The following ABHD2 variants were observed in gnomAD, a reference collection of about 807,000 sequenced individuals.
ABHD2 encodes the protein abhydrolase domain containing 2, acylglycerol lipase.
Under a neutral mutation model 48.1 loss-of-function variants are expected in ABHD2, and 20 were observed. The observed-to-expected ratio is 0.42, with a 90% CI of 0.29 to 0.60. The LOEUF (loss-of-function observed/expected upper bound fraction) is 0.60. Among genes scored for constraint, ABHD2 ranks in the 20% least tolerant of loss-of-function variants. The pLI is 0.24. For synonymous variants in ABHD2, 209 were observed against 214.2 expected, an observed-to-expected ratio of 0.98 and a Z score of 0.21; for missense variants, 405 against 550.9, an observed-to-expected ratio of 0.74 and a Z score of 2.65.
intron 1 of ABHD2, among the ~76,000 whole-genome samples, chr15:89,095,063 CAAAAAAAAAAAAA>C (rs72090062): frequency 1.9e-5 from 1 of 53,786 alleles, no homozygotes; most frequent in Non-Finnish European, 4.2e-5. Context: ...GACTGTGTCT[CAAAAAAAAAAAAA>C]AAAAAAAAAG....
intron 9 of ABHD2, 50 bp from the exon 10 acceptor site, chr15:89,193,185 T>C: frequency 6.4e-7 from 1 of 1,559,088 alleles, no homozygotes. Context: ...ATCGATGGGG[T>C]CTGAAAATGG....
chr15:89,121,378 T>C (rs1430377667), intron 3 of ABHD2, among the ~76,000 whole-genome samples: 2 of 152,044 alleles, frequency 1.3e-5, no homozygotes, highest in East Asian at 1.9e-4. Context: ...GTAAAGAGAC[T>C]GGTTTTCTTG....
chr15:89,147,016 G>A lies in ABHD2; in HGVS notation c.195-4661G>A, dbSNP rs145768802. 1.1e-3 allele frequency among the ~76,000 whole-genome samples: 170 copies of A among 152,276 alleles called. 1 individual carries two copies. Among genetic ancestry groups the A allele is most frequent in the African/African-American group, 3.8e-3 (157 of 41,562 alleles). ...GCAGCCTGCGCTATCAACTATCAAAGTATCTCATAAAGCTATATTAATTAA... is the reference window on the plus strand; with the variant it reads ...GCAGCCTGCGCTATCAACTATCAAAATATCTCATAAAGCTATATTAATTAA... On this transcript the variant is annotated intron_variant, in intron 3 of 10. Transcript: ENST00000352732.
At chr15:89,052,540 CAG>C in the ABHD2 span, among the ~76,000 whole-genome samples, 3,153 of 125,274 alleles carry the variant, frequency 0.025, 128 homozygotes, top group African/African-American at 0.1. Flanking sequence ...GACAGACAGA[CAG>C]ACAGACAGAC....
At chr15:89,065,685 C>G in the ABHD2 span, among the ~76,000 whole-genome samples, 1 of 152,150 alleles carries the variant, frequency 6.6e-6, no homozygotes, top group Non-Finnish European at 1.5e-5. Context: ...GTTTTAGCTT[C>G]CCCACTTTGC....
the ABHD2 span, among the ~76,000 whole-genome samples, chr15:89,055,846 T>G: frequency 6.6e-6 from 1 of 152,066 alleles, no homozygotes. Context: ...GTTTACAAAC[T>G]AATTGTGTAA....
rs972523471 is a variant in ABHD2 at position 89,177,760 on chromosome 15, CAA to C, written c.722+1767_722+1768del. ...ATAGCCACGTGTAACCAGAATTAAC[CAA>C]AGTCCTGTCGGGCCCAGTCACTGGG... On this transcript the variant is annotated intron_variant, in intron 6 of 10. Transcript: ENST00000352732. This position sits in a 1 kb window ranked among gnomAD's most constrained non-coding sequence, Gnocchi z 5.6. 3.9e-5 allele frequency among the ~76,000 whole-genome samples: 6 copies of C among 152,106 alleles called. No homozygotes were observed. The highest frequency in any genetic ancestry group is 7.4e-5 in the Non-Finnish European group (5 of 68,022).
chr15:89,141,686 T>G (rs1419704106), intron 3 of ABHD2, among the ~76,000 whole-genome samples: 5 of 152,140 alleles, frequency 3.3e-5, no homozygotes, highest in African/African-American at 1.2e-4. Context: ...CCCCCTTTGT[T>G]GTGACTAGTG....
At position 89,188,340 on chromosome 15, in the gene ABHD2, C is replaced by G. The variant is rs774673321; in HGVS notation, c.926+37C>G. 2 of 1,588,394 alleles carry G rather than the reference C, an allele frequency of 1.3e-6. No individual in the cohort carries two copies. The highest frequency in any genetic ancestry group is 8.6e-7 in the Non-Finnish European group (1 of 1,157,936). On this transcript the variant is annotated intron_variant, in intron 8 of 10. Coordinates refer to ENST00000352732, the MANE Select transcript of ABHD2 (RefSeq NM_152924.5). This position sits in a 1 kb window ranked among gnomAD's most constrained non-coding sequence, Gnocchi z 4.1. ...CAGGCGGGAGAGGGACGCTCTGGGGCAGGGTGCCAGGCAGGAGGCTGCAGG... is the reference window on the plus strand; with the variant it reads ...CAGGCGGGAGAGGGACGCTCTGGGGGAGGGTGCCAGGCAGGAGGCTGCAGG...
At chr15:89,054,341 T>C in the ABHD2 span, among the ~76,000 whole-genome samples, 1 of 151,502 alleles carries the variant, frequency 6.6e-6, no homozygotes, top group Non-Finnish European at 1.5e-5. Context: ...AAAAAGGATT[T>C]TTAAAAAAGA....
chr15:89,185,525 C>T lies in ABHD2; in HGVS notation c.815+9C>T, dbSNP rs1002249408. 1.9e-6 allele frequency: 3 copies of T among 1,612,078 alleles called. No individual in the cohort carries two copies. In the African/African-American group the frequency reaches 4.0e-5, roughly 22 times the overall value. On this transcript the variant is annotated intron_variant, in intron 7 of 10. Coordinates refer to ENST00000352732, the MANE Select transcript of ABHD2 (RefSeq NM_152924.5). This position sits in a 1 kb window ranked among gnomAD's most constrained non-coding sequence, Gnocchi z 5.9. ...ATCATCCTCTCGCACAGGTAGGTCA[C>T]CTTCCGTTCTCTCTCAGGAGACAGA...
At chr15:89,062,669 T>C in the ABHD2 span, among the ~76,000 whole-genome samples, 2 of 152,142 alleles carry the variant, frequency 1.3e-5, no homozygotes, top group African/African-American at 2.4e-5. Flanking sequence ...ATTACAGGCG[T>C]GAGCCACCGC....
At chr15:89,157,051 C>T (rs1249623431) in intron 5 of ABHD2, among the ~76,000 whole-genome samples, 1 of 152,104 alleles carries the variant, frequency 6.6e-6, no homozygotes, top group African/African-American at 2.4e-5. Context: ...ATTTAAATAA[C>T]TCTATATTCA....
In ABHD2 at chr15:89,189,173, C is replaced by T. The variant is rs1475220471; in HGVS notation, c.926+870C>T. 1.3e-5 allele frequency among the ~76,000 whole-genome samples: 2 copies of T among 152,178 alleles called. No individual in the cohort carries two copies. The highest frequency in any genetic ancestry group is 2.4e-5 in the African/African-American group (1 of 41,436). On this transcript the variant is annotated intron_variant, in intron 8 of 10. Coordinates refer to ENST00000352732, the MANE Select transcript of ABHD2 (RefSeq NM_152924.5). The surrounding 1 kb of genome is among the most constrained non-coding windows in gnomAD (Gnocchi z 4.9). ...CTGATCTCATCATTCTCTTTAAATACGTGATCCTTTTCATTTAACAATCAT... is the reference window on the plus strand; with the variant it reads ...CTGATCTCATCATTCTCTTTAAATATGTGATCCTTTTCATTTAACAATCAT...
chr15:89,193,413 C>T (rs1045868736), intron 10 of ABHD2, 94 bp downstream of exon 10: 18 of 985,852 alleles, frequency 1.8e-5, no homozygotes, highest in Middle Eastern at 4.1e-4. Context: ...CTGGAGACCA[C>T]CCTCTTTAGG....
At position 89,088,490 on chromosome 15, in the gene ABHD2, G is replaced by T. The variant is rs1281777031; in HGVS notation, c.-180G>T. 1 of 152,710 alleles carries T rather than the reference G, an allele frequency of 6.5e-6. No homozygotes were observed. The highest frequency in any genetic ancestry group is 1.9e-4 in the East Asian group (1 of 5,206). 9.5% of individuals were successfully genotyped at this position (152,710 alleles called of 1,614,324 possible). A position where few individuals can be genotyped will look rare whatever the true frequency, so the allele number is the denominator to read the frequency against. The stretch of plus-strand genomic sequence containing the variant: ...AGGGGTTCCGGCTGTATATCCATGA[G>T]CGCCGCTGGCAGCCGGGGAGCTGCA... On this transcript the variant is annotated 5_prime_UTR_variant, in exon 1 of 11. Transcript: ENST00000352732. This position sits in a 1 kb window ranked among gnomAD's most constrained non-coding sequence, Gnocchi z 6.8.
intron 1 of ABHD2, among the ~76,000 whole-genome samples, chr15:89,112,614 G>A (rs1039813563): frequency 2.0e-5 from 3 of 152,188 alleles, no homozygotes; most frequent in Non-Finnish European, 4.4e-5. Flanking sequence ...TTTCTTCTGA[G>A]GTCATTTTGG....
rs1235273756 is a variant in ABHD2, at chr15:89,166,454, A to G, written c.539-9358A>G. 6.6e-6 allele frequency among the ~76,000 whole-genome samples: 1 copy of G among 152,208 alleles called. No individual in the cohort carries two copies. The highest frequency in any genetic ancestry group is 6.5e-5 in the Admixed American group (1 of 15,276). ...CTCTTGCTGGGAGGAGGAAATCTTT[A>G]ATGTCCAACTGGGTTTAATACAGGA... On this transcript the variant is annotated intron_variant, in intron 5 of 10. Coordinates refer to ENST00000352732, the MANE Select transcript of ABHD2 (RefSeq NM_152924.5). The surrounding 1 kb of genome is among the most constrained non-coding windows in gnomAD (Gnocchi z 4.6).
At chr15:89,080,411 A>T in the ABHD2 span, among the ~76,000 whole-genome samples, 2 of 152,254 alleles carry the variant, frequency 1.3e-5, no homozygotes, top group Non-Finnish European at 2.9e-5. Context: ...TCAAGCAACA[A>T]GCTGAACTGT....
Sources: allele counts gnomAD v4.1 joint callset (sites outside exome capture counted in the v4.1 genomes callset), GRCh38; gene constraint gnomAD v4.1.1; non-coding constraint Gnocchi (gnomAD v3.1); transcripts MANE v1.5; gene names NCBI Gene and HGNC (gene_info 2026-07-23, HGNC 2026-07-21).